Variants in FAM184A observed in about 807,000 individuals in gnomAD.
The protein encoded by FAM184A is protein FAM184A.
A neutral mutation model predicts 143.8 loss-of-function variants in FAM184A; 99 were observed. That is an observed-to-expected ratio of 0.69 (90% CI 0.58 to 0.81). The LOEUF (loss-of-function observed/expected upper bound fraction) is 0.81, where lower values mean the gene tolerates loss of function less well. FAM184A is among the 40% of genes least tolerant of loss of function. The probability of loss-of-function intolerance (pLI) is 0.00; values close to 1 mark genes in which losing one functional copy is unlikely to be tolerated. For synonymous variants in FAM184A, 427 were observed against 446.4 expected, an observed-to-expected ratio of 0.96 and a Z score of 0.55; for missense variants, 1,217 against 1,310.5, an observed-to-expected ratio of 0.93 and a Z score of 1.10.
intron 9 of FAM184A, among the ~76,000 whole-genome samples, chr6:118,991,195 G>C (rs1784367064): frequency 6.8e-6 from 1 of 146,938 alleles, no homozygotes; most frequent in African/African-American, 2.5e-5. Flanking sequence ...ATGAAGTCTT[G>C]CTCTGTCGCT....
At chr6:119,125,923 T>G (rs1397515725) in intron 1 of FAM184A, among the ~76,000 whole-genome samples, 1 of 152,246 alleles carries the variant, frequency 6.6e-6, no homozygotes, top group East Asian at 1.9e-4. Flanking sequence ...CTATTCATTT[T>G]CTATTACTGC....
intron 1 of FAM184A, among the ~76,000 whole-genome samples, chr6:119,116,565 G>C (rs920915516): frequency 6.6e-6 from 1 of 152,138 alleles, no homozygotes; most frequent in Non-Finnish European, 1.5e-5. Flanking sequence ...ATAGACTCAG[G>C]CTCTTTATTA....
intron 1 of FAM184A, among the ~76,000 whole-genome samples, chr6:119,094,634 C>T (rs1788458029): frequency 6.6e-6 from 1 of 152,160 alleles, no homozygotes; most frequent in South Asian, 2.1e-4. Context: ...CCAGATATTA[C>T]TGTCTTAGTT....
At chr6:119,091,170 C>T (rs1178017903) in intron 1 of FAM184A, among the ~76,000 whole-genome samples, 1 of 152,084 alleles carries the variant, frequency 6.6e-6, no homozygotes, top group East Asian at 1.9e-4. Context: ...CATTTTTCTC[C>T]CTCCTACCAC....
chr6:118,975,121 G>C lies in FAM184A; in HGVS notation c.2671C>G (p.Gln891Glu). The part of the protein sequence containing the change: ...HHISELDKEV[Q>E]HLHENISALT... ...GCACTTATATTCTCATGAAGGTGCT[G>C]AACCTCCTTATCCAATTCAGAGATG... Residue 891 changes from glutamine (Q) to glutamate (E), a missense_variant, in exon 13 of 18, where the codon CAG (glutamine) becomes GAG (glutamate). By Grantham distance (29) the Gln-to-Glu change is conservative. Coordinates refer to ENST00000338891, the MANE Select transcript of FAM184A (RefSeq NM_024581.6). The C allele has an allele frequency of 6.2e-7, 1 of 1,612,532 alleles. No individual in the cohort carries two copies. Among genetic ancestry groups the C allele is most frequent in the Non-Finnish European group, 8.5e-7 (1 of 1,179,040 alleles).
chr6:119,090,575 C>G lies in FAM184A; in HGVS notation c.-202+58503G>C, dbSNP rs550906631. 2.0e-5 allele frequency among the ~76,000 whole-genome samples: 3 copies of G among 152,302 alleles called. No homozygotes were observed. In the South Asian group the frequency reaches 6.2e-4, roughly 32 times the overall value. On this transcript the variant is annotated intron_variant, in intron 1 of 16. Coordinates refer to the FAM184A transcript ENST00000352896. ...CTTACCTTTCAGATCCATTTTTGCT[C>G]TATATGAAATTCATTCTGTCACCAA... is the stretch of plus-strand genomic sequence containing the variant.
At chr6:119,115,793 TC>T (rs1410596221) in intron 1 of FAM184A, among the ~76,000 whole-genome samples, 2 of 143,488 alleles carry the variant, frequency 1.4e-5, no homozygotes, top group Non-Finnish European at 3.0e-5. Context: ...TGAAACCCCA[TC>T]TCTACTAAAA....
rs748153524 is a variant in FAM184A, at chr6:119,006,491, T to C, written c.1771A>G (p.Lys591Glu). 4 of 1,614,062 alleles carry C rather than the reference T, an allele frequency of 2.5e-6. No individual in the cohort carries two copies. The highest frequency in any genetic ancestry group is 3.4e-6 in the Non-Finnish European group (4 of 1,179,980). The change falls in exon 7 of 18, where the codon AAA (lysine) becomes GAA (glutamate). Residue 591 changes from lysine (K) to glutamate (E), a missense_variant. Physicochemically the swap from Lys to Glu is moderately conservative, Grantham distance 56. Coordinates refer to ENST00000338891, the MANE Select transcript of FAM184A (RefSeq NM_024581.6). Reference protein sequence around the residue: ...ERLQNELDLTKDSLKETKDAL... With the variant: ...ERLQNELDLTEDSLKETKDAL... ...TCCTTGGTCTCCTTTAGGCTGTCTT[T>C]AGTCAAGTCAAGCTCATTCTGAAGC...
intron 9 of FAM184A, among the ~76,000 whole-genome samples, chr6:118,984,986 C>T (rs1031998143): frequency 6.6e-6 from 1 of 152,156 alleles, no homozygotes; most frequent in Non-Finnish European, 1.5e-5. Flanking sequence ...AAGGAAAAGT[C>T]TCCTTCATTC....
intron 1 of FAM184A, among the ~76,000 whole-genome samples, chr6:119,133,580 C>T (rs1789589393): frequency 6.6e-6 from 1 of 152,004 alleles, no homozygotes; most frequent in Admixed American, 6.6e-5. Flanking sequence ...GCCTTTGTAC[C>T]TCATGTTAAC....
intron 1 of FAM184A, among the ~76,000 whole-genome samples, chr6:119,133,069 G>A (rs1789577718): frequency 6.6e-6 from 1 of 152,178 alleles, no homozygotes; most frequent in Non-Finnish European, 1.5e-5. Flanking sequence ...GATTCTGCTT[G>A]TTTATACTCA....
intron 5 of FAM184A, among the ~76,000 whole-genome samples, chr6:119,014,406 T>C (rs1237702485): frequency 1.3e-5 from 2 of 152,232 alleles, no homozygotes; most frequent in African/African-American, 4.8e-5. Flanking sequence ...CCAAGGTCTG[T>C]CAGATACTTT....
chr6:119,096,253 T>A (rs9374779), intron 1 of FAM184A, among the ~76,000 whole-genome samples: 65,040 of 151,984 alleles, frequency 0.43, 15,065 homozygotes, highest in East Asian at 0.65. Context: ...TCCTGGCATG[T>A]CTTCAGGTTA....
At chr6:119,122,625 C>T (rs1280315609) in intron 1 of FAM184A, among the ~76,000 whole-genome samples, 1 of 151,830 alleles carries the variant, frequency 6.6e-6, no homozygotes, top group Non-Finnish European at 1.5e-5. Context: ...TCTCCATGTT[C>T]AAAAAATGGC....
At chr6:119,101,546 T>G (rs1376434020) in intron 1 of FAM184A, among the ~76,000 whole-genome samples, 1 of 152,246 alleles carries the variant, frequency 6.6e-6, no homozygotes, top group East Asian at 1.9e-4. Flanking sequence ...TTGATTCTAA[T>G]TTTGGTACTT....
At chr6:119,027,617 G>C (rs918642289) in intron 1 of FAM184A, among the ~76,000 whole-genome samples, 1 of 152,174 alleles carries the variant, frequency 6.6e-6, no homozygotes, top group Admixed American at 6.5e-5. Flanking sequence ...AGGTAATTCA[G>C]TAACTTGTTA....
chr6:118,976,577 T>G (rs139299111), intron 11 of FAM184A, among the ~76,000 whole-genome samples: 2,836 of 151,904 alleles, frequency 0.019, 99 homozygotes, highest in African/African-American at 0.066. Flanking sequence ...CACAGGAGAA[T>G]TGCGTGAACC....
At chr6:119,081,399 C>T (rs533839171), upstream of FAM184A, among the ~76,000 whole-genome samples, 1 of 152,262 alleles carries the variant, frequency 6.6e-6, no homozygotes, top group East Asian at 1.9e-4. Flanking sequence ...TCTAGGGGAG[C>T]ACAGAGATGG....
chr6:119,025,347 C>G, intron 1 of FAM184A: 1 of 439,934 alleles, frequency 2.3e-6, no homozygotes, highest in South Asian at 1.7e-5. Flanking sequence ...CTTTCCTTTC[C>G]CAATTCCCCT....
Sources: gnomAD v4.1 joint callset for allele counts (sites outside exome capture counted in the v4.1 genomes callset) on GRCh38, gnomAD v4.1.1 for gene constraint, MANE v1.5 for transcripts, NCBI Gene and HGNC (gene_info 2026-07-23, HGNC 2026-07-21) for gene names.